Variants in TENM3 observed in about 807,000 individuals in gnomAD.
TENM3 encodes the protein teneurin transmembrane protein 3.
In TENM3, 63 loss-of-function variants were observed where a neutral mutation model predicts 255.1. The observed-to-expected ratio is 0.25, with a 90% CI of 0.20 to 0.30. The LOEUF (loss-of-function observed/expected upper bound fraction) is 0.30, where lower values mean the gene tolerates loss of function less well. Among genes scored for constraint, TENM3 ranks in the 10% least tolerant of loss-of-function variants. The pLI, the probability that TENM3 is intolerant of heterozygous loss-of-function variation, is 1.00. For synonymous variants in TENM3, 1,306 were observed against 1,322.3 expected, an observed-to-expected ratio of 0.99 and a Z score of 0.27; for missense variants, 2,929 against 3,461.1, an observed-to-expected ratio of 0.85 and a Z score of 3.86.
the TENM3 span, among the ~76,000 whole-genome samples, chr4:181,751,564 G>A: frequency 6.2e-4 from 95 of 152,002 alleles, no homozygotes; most frequent in Middle Eastern, 3.4e-3. Context: ...ACACATTGTC[G>A]GAGTCCAGAG....
the TENM3 span, among the ~76,000 whole-genome samples, chr4:181,612,049 A>AT: frequency 1.3e-5 from 2 of 152,114 alleles, no homozygotes; most frequent in South Asian, 2.1e-4. Context: ...GGAAAAATAT[A>AT]TTTTTTCTGA....
At chr4:182,539,850 G>A (rs535799213) in intron 3 of TENM3, among the ~76,000 whole-genome samples, 2 of 152,344 alleles carry the variant, frequency 1.3e-5, no homozygotes, top group African/African-American at 4.8e-5. Flanking sequence ...TTTTGGCCAT[G>A]TTAAGTTTGA....
chr4:182,484,202 C>T (rs2151533520), intron 3 of TENM3, among the ~76,000 whole-genome samples: 1 of 152,212 alleles, frequency 6.6e-6, no homozygotes, highest in South Asian at 2.1e-4. Flanking sequence ...AATCCTTACA[C>T]CAATCCGATA....
chr4:181,956,117 G>A, the TENM3 span, among the ~76,000 whole-genome samples: 10 of 152,222 alleles, frequency 6.6e-5, no homozygotes, highest in African/African-American at 1.9e-4. Flanking sequence ...CCTTCTCTCC[G>A]TGTTCTCACA....
the TENM3 span, among the ~76,000 whole-genome samples, chr4:181,836,256 T>C: frequency 6.6e-6 from 1 of 151,780 alleles, no homozygotes; most frequent in Non-Finnish European, 1.5e-5. Flanking sequence ...CTAGTCAAAA[T>C]ACTCATATTC....
chr4:181,825,259 G>A, the TENM3 span, among the ~76,000 whole-genome samples: 1 of 152,094 alleles, frequency 6.6e-6, no homozygotes, highest in African/African-American at 2.4e-5. Context: ...AAATTGGCTG[G>A]TTGTGTTGGC....
the TENM3 span, among the ~76,000 whole-genome samples, chr4:181,873,158 C>G: frequency 6.6e-6 from 1 of 152,022 alleles, no homozygotes; most frequent in Non-Finnish European, 1.5e-5. Flanking sequence ...ACCTCCAACT[C>G]CCGGGTTCAA....
At chr4:182,166,186 C>T (rs745942555) in intron 1 of TENM3, among the ~76,000 whole-genome samples, 1 of 152,196 alleles carries the variant, frequency 6.6e-6, no homozygotes, top group East Asian at 1.9e-4. Flanking sequence ...GTAAAGATAC[C>T]TTCTCAGAGA....
At chr4:182,656,265 A>C (rs955090511) in intron 6 of TENM3, among the ~76,000 whole-genome samples, 2 of 152,170 alleles carry the variant, frequency 1.3e-5, no homozygotes, top group Non-Finnish European at 1.5e-5. Flanking sequence ...TGGAAAAGCT[A>C]TCTCTCTCTG....
At chr4:181,785,682 A>G in the TENM3 span, among the ~76,000 whole-genome samples, 24 of 152,102 alleles carry the variant, frequency 1.6e-4, 1 homozygote, top group African/African-American at 5.8e-4. Flanking sequence ...TATAATGCAA[A>G]TATTCCAAAA....
intron 3 of TENM3, among the ~76,000 whole-genome samples, chr4:182,426,727 C>T (rs1057501100): frequency 3.3e-5 from 5 of 152,070 alleles, no homozygotes; most frequent in Non-Finnish European, 7.4e-5. Flanking sequence ...TCTTATTATT[C>T]CATTATCCAG....
At chr4:181,742,509 G>T in the TENM3 span, among the ~76,000 whole-genome samples, 10 of 151,900 alleles carry the variant, frequency 6.6e-5, no homozygotes, top group African/African-American at 2.4e-4. Context: ...AAGACTTTCT[G>T]GTTCTCATGG....
intron 1 of TENM3, among the ~76,000 whole-genome samples, chr4:182,289,208 C>T (rs569116638): frequency 2.6e-5 from 4 of 152,252 alleles, no homozygotes; most frequent in South Asian, 2.1e-4. Flanking sequence ...CCAGCCTGGG[C>T]GAGGGTGAGA....
chr4:182,217,409 T>A (rs1209328570), intron 1 of TENM3, among the ~76,000 whole-genome samples: 1 of 152,150 alleles, frequency 6.6e-6, no homozygotes. Context: ...AAGTGCCTGA[T>A]GTTTATATCA....
chr4:182,570,829 CAA>C (rs35697079), intron 3 of TENM3, among the ~76,000 whole-genome samples: 1 of 144,930 alleles, frequency 6.9e-6, no homozygotes, highest in Non-Finnish European at 1.5e-5. Context: ...GACTCTGTGT[CAA>C]AAAAAAAAAC....
the TENM3 span, among the ~76,000 whole-genome samples, chr4:182,118,211 A>G: frequency 6.6e-6 from 1 of 152,108 alleles, no homozygotes; most frequent in African/African-American, 2.4e-5. Context: ...CTATGCAGAC[A>G]ATCATGTCAT....
rs58479056 is a variant in TENM3 at position 182,409,902 on chromosome 4, C to A, written c.511+62973C>A. Among the ~76,000 whole-genome samples the A allele has an allele frequency of 2.4e-3, 371 of 151,948 alleles. 3 individuals are homozygous for A. Among genetic ancestry groups the A allele is most frequent in the African/African-American group, 8.6e-3 (356 of 41,416 alleles). On this transcript the variant is annotated intron_variant, in intron 3 of 27. Transcript: ENST00000511685. ...GCAGTAGTGTGATCATGGCTCACTG[C>A]AGCCTCGTCTTTCTGGGCTCAGGTG...
chr4:181,588,099 G>A, the TENM3 span, among the ~76,000 whole-genome samples: 1 of 152,156 alleles, frequency 6.6e-6, no homozygotes, highest in Non-Finnish European at 1.5e-5. Flanking sequence ...TTTTAGAGGA[G>A]CATGCCAGAC....
chr4:181,615,066 T>C, the TENM3 span, among the ~76,000 whole-genome samples: 1 of 152,122 alleles, frequency 6.6e-6, no homozygotes, highest in Non-Finnish European at 1.5e-5. Flanking sequence ...AATGTCTAGG[T>C]TCCCAGGCTG....
Sources: gnomAD v4.1 joint callset for allele counts (sites outside exome capture counted in the v4.1 genomes callset) on GRCh38, gnomAD v4.1.1 for gene constraint, MANE v1.5 for transcripts, NCBI Gene and HGNC (gene_info 2026-07-23, HGNC 2026-07-21) for gene names.